Variants in FAM124B observed in about 807,000 individuals in gnomAD.
The protein encoded by FAM124B is protein FAM124B.
In FAM124B, 18 loss-of-function variants were observed where a neutral mutation model predicts 19.7. The observed-to-expected ratio is 0.92, with a 90% CI of 0.63 to 1.36. The LOEUF (loss-of-function observed/expected upper bound fraction) is 1.36. Among genes scored for constraint, FAM124B ranks in the 40% most tolerant of loss-of-function variants. The probability of loss-of-function intolerance (pLI) is 0.00; values close to 1 mark genes in which losing one functional copy is unlikely to be tolerated. For missense variants in FAM124B, 540 were observed against 553.3 expected, an observed-to-expected ratio of 0.98 and a Z score of 0.24; for synonymous variants, 223 against 225.2, an observed-to-expected ratio of 0.99 and a Z score of 0.09.
chr2:224,401,544 T>G lies in FAM124B; in HGVS notation c.225A>C (p.Glu75Asp). ...GAAATAGCCTATCCTCTCCCGGGCT[T>G]TCGTGCAGGAAGAGCAACACGGACA... Reference protein sequence around the residue: ...PGMSVLLFLHESPGEDRLFRV... With the variant: ...PGMSVLLFLHDSPGEDRLFRV... Residue 75 changes from glutamate (E) to aspartate (D), a missense_variant, in exon 1 of 2, where the codon GAA becomes GAC. By Grantham distance (45) the Glu-to-Asp change is conservative. Coordinates refer to ENST00000409685, the MANE Select transcript of FAM124B (RefSeq NM_001122779.2). 2 of 1,614,034 alleles carry G rather than the reference T, an allele frequency of 1.2e-6. No homozygotes were observed. Among genetic ancestry groups the G allele is most frequent in the Non-Finnish European group, 8.5e-7 (1 of 1,179,972 alleles).
intron 1 of FAM124B, among the ~76,000 whole-genome samples, chr2:224,382,747 A>C (rs1472037995): frequency 6.6e-6 from 1 of 152,150 alleles, no homozygotes; most frequent in East Asian, 1.9e-4. Flanking sequence ...CTGGAAGCCC[A>C]AAATATGAAG....
intron 1 of FAM124B, among the ~76,000 whole-genome samples, chr2:224,390,114 TACACAC>T (rs59825011): frequency 0.1 from 13,453 of 131,684 alleles, 688 homozygotes; most frequent in South Asian, 0.18. Context: ...GTCTTTGAAA[TACACAC>T]ACACACACAC....
intron 1 of FAM124B, among the ~76,000 whole-genome samples, chr2:224,388,302 T>C (rs1416536389): frequency 6.6e-6 from 1 of 152,158 alleles, no homozygotes; most frequent in Non-Finnish European, 1.5e-5. Context: ...AATTGGATAA[T>C]TGAAGATTAA....
In FAM124B at chr2:224,401,518, C is replaced by T. The variant is rs779680887; in HGVS notation, c.251G>A (p.Arg84His). The T allele has an allele frequency of 9.9e-6, 16 of 1,613,910 alleles. No homozygotes were observed. Among genetic ancestry groups the T allele is most frequent in the Non-Finnish European group, 1.4e-5 (16 of 1,180,006 alleles). ...HESPGEDRLF[R>H]VLDSLQHSPW... ...CGAATGCTGGAGAGAGTCCAGGACG[C>T]GAAATAGCCTATCCTCTCCCGGGCT... Residue 84 changes from arginine to histidine, a missense_variant, in exon 1 of 2, where the codon CGC becomes CAC. Coordinates refer to ENST00000409685, the MANE Select transcript of FAM124B (RefSeq NM_001122779.2).
intron 1 of FAM124B, among the ~76,000 whole-genome samples, chr2:224,396,705 A>G (rs566633207): frequency 1.3e-5 from 2 of 152,324 alleles, no homozygotes; most frequent in African/African-American, 4.8e-5. Context: ...ACTGATCCAT[A>G]TAATCTCACT....
chr2:224,396,144 A>C (rs888056739), intron 1 of FAM124B, among the ~76,000 whole-genome samples: 5 of 152,182 alleles, frequency 3.3e-5, no homozygotes, highest in African/African-American at 1.2e-4. Flanking sequence ...CTTGGTACTT[A>C]CATTCCAGTG....
intron 1 of FAM124B, among the ~76,000 whole-genome samples, chr2:224,389,576 T>G (rs1450977069): frequency 6.6e-6 from 1 of 151,958 alleles, no homozygotes; most frequent in East Asian, 1.9e-4. Flanking sequence ...AACTGGTATT[T>G]CAAAACCTGG....
intron 1 of FAM124B, among the ~76,000 whole-genome samples, chr2:224,397,407 G>T (rs781612073): frequency 1.2e-4 from 19 of 152,130 alleles, no homozygotes; most frequent in Non-Finnish European, 2.6e-4. Context: ...GCCCAGTCTC[G>T]GGTATGTCTT....
At chr2:224,380,735 C>A (rs16865913) in intron 1 of FAM124B, among the ~76,000 whole-genome samples, 1 of 152,114 alleles carries the variant, frequency 6.6e-6, no homozygotes, top group East Asian at 1.9e-4. Context: ...CCACTCCAGA[C>A]GGCTAATAAT....
chr2:224,401,364 G>C lies in FAM124B; in HGVS notation c.405C>G (p.Ser135=), dbSNP rs144448068. ...IWGVRQVHCG[S]EILRVTLYCS... is the part of the protein sequence containing the mutation. ...AGTACAGCGTCACCCTCAGGATCTC[G>C]GAGCCACAGTGCACCTGCCTCACCC... The change falls in exon 1 of 2, where the codon TCC becomes TCG. Residue 135 remains serine (S), a synonymous_variant. Transcript: ENST00000409685. The C allele has an allele frequency of 2.7e-5, 44 of 1,613,890 alleles. No homozygotes were observed. Among genetic ancestry groups the C allele is most frequent in the Non-Finnish European group, 3.6e-5 (43 of 1,180,010 alleles).
chr2:224,396,407 C>A (rs1689970235), intron 1 of FAM124B, among the ~76,000 whole-genome samples: 1 of 152,238 alleles, frequency 6.6e-6, no homozygotes. Context: ...AAAGCTTTCT[C>A]ACTGCCCCTC....
chr2:224,383,542 A>G (rs1689757551), intron 1 of FAM124B, among the ~76,000 whole-genome samples: 1 of 151,928 alleles, frequency 6.6e-6, no homozygotes. Context: ...GTCTTACTAT[A>G]AAAGTAGTAA....
chr2:224,399,089 T>C (rs187560525), intron 1 of FAM124B, among the ~76,000 whole-genome samples: 1 of 152,322 alleles, frequency 6.6e-6, no homozygotes, highest in Admixed American at 6.5e-5. Context: ...GGAGTTTCTC[T>C]TTATCCAAAA....
intron 1 of FAM124B, among the ~76,000 whole-genome samples, chr2:224,390,925 G>A (rs554188144): frequency 1.3e-5 from 2 of 151,100 alleles, no homozygotes; most frequent in South Asian, 4.2e-4. Context: ...GGATGGTCGC[G>A]ATCTCCTGAC....
Position 224,401,831 on chromosome 2 carries a change from AAATG to A in FAM124B, c.-67_-64del, listed in dbSNP as rs1156401361. ...AGAAGGCCCACTGTTCAAGTTTCTG[AAATG>A]AATGAAGAAGCGGCCCAGCCTTCAG... On this transcript the variant is annotated 5_prime_UTR_variant, in exon 1 of 2. Transcript: ENST00000409685. 2.9e-5 allele frequency: 44 copies of A among 1,539,312 alleles called. No homozygotes were observed. Among genetic ancestry groups the A allele is most frequent in the Admixed American group, 4.1e-5 (2 of 48,218 alleles).
chr2:224,383,566 AAAT>A (rs1247307898), intron 1 of FAM124B, among the ~76,000 whole-genome samples: 1 of 152,132 alleles, frequency 6.6e-6, no homozygotes, highest in African/African-American at 2.4e-5. Flanking sequence ...ATCACCATAA[AAAT>A]AATTTCATTG....
In FAM124B at chr2:224,379,870, A is replaced by G; in HGVS notation, c.1071T>C (p.Leu357=). ...VLNRENSFQK[L]EAETNVDTGL... ...CGGTGTCAACATTCGTCTCGGCCTC[A>G]AGCTTCTGAAAGCTGTTTTCCCGGT... The change falls in exon 2 of 2, where the codon CTT becomes CTC. Residue 357 remains leucine, a synonymous_variant. Coordinates refer to ENST00000409685, the MANE Select transcript of FAM124B (RefSeq NM_001122779.2). 6.4e-7 allele frequency: 1 copy of G among 1,552,050 alleles called. No homozygotes were observed. The highest frequency in any genetic ancestry group is 8.7e-7 in the Non-Finnish European group (1 of 1,147,082).
rs375642894 is a variant in FAM124B at position 224,401,517 on chromosome 2, G to A, written c.252C>T (p.Arg84=). The A allele has an allele frequency of 5.6e-6, 9 of 1,614,098 alleles. No individual in the cohort carries two copies. Among genetic ancestry groups the A allele is most frequent in the Non-Finnish European group, 7.6e-6 (9 of 1,180,006 alleles). Residue 84 remains arginine (R), a synonymous_variant, in exon 1 of 2, where the codon CGC becomes CGT. Transcript: ENST00000409685. The stretch of plus-strand genomic sequence containing the variant: ...GCGAATGCTGGAGAGAGTCCAGGAC[G>A]CGAAATAGCCTATCCTCTCCCGGGC... ...HESPGEDRLF[R]VLDSLQHSPW...
chr2:224,401,476 G>A lies in FAM124B; in HGVS notation c.293C>T (p.Pro98Leu), dbSNP rs985072268. The change falls in exon 1 of 2, where the codon CCC becomes CTC. Residue 98 changes from proline to leucine, a missense_variant. Physicochemically the swap from Pro to Leu is moderately conservative, Grantham distance 98. Coordinates refer to ENST00000409685, the MANE Select transcript of FAM124B (RefSeq NM_001122779.2). ...SLQHSPWQCY[P>L]TQDTRGRLCP... ...CAGCCTTCCCCGAGTGTCCTGGGTG[G>A]GGTAGCACTGCCATGGCGAATGCTG... The A allele has an allele frequency of 6.2e-7, 1 of 1,614,096 alleles. No homozygotes were observed. Among genetic ancestry groups the A allele is most frequent in the Admixed American group, 1.7e-5 (1 of 60,020 alleles).
Sources: allele counts gnomAD v4.1 joint callset (sites outside exome capture counted in the v4.1 genomes callset), GRCh38; gene constraint gnomAD v4.1.1; transcripts MANE v1.5; gene names NCBI Gene and HGNC (gene_info 2026-07-23, HGNC 2026-07-21).